RHBDD1: variants seen among roughly 807,000 people sequenced by gnomAD.
The protein encoded by RHBDD1 is rhomboid domain containing 1.
In RHBDD1, 38 loss-of-function variants were observed where a neutral mutation model predicts 36.3. That is an observed-to-expected ratio of 1.05 (90% CI 0.81 to 1.37). The LOEUF (loss-of-function observed/expected upper bound fraction) is 1.37, where lower values mean the gene tolerates loss of function less well. Ranked by LOEUF, RHBDD1 falls within the 40% of genes most tolerant of loss-of-function variation. The probability of loss-of-function intolerance (pLI) is 0.00; values close to 1 mark genes in which losing one functional copy is unlikely to be tolerated. For missense variants in RHBDD1, 393 were observed against 377.6 expected (o/e 1.04, Z -0.34); for synonymous variants, 151 against 136.5 (o/e 1.11, Z -0.74).
At chr2:226,901,817 AGC>A (rs1947621496) in intron 5 of RHBDD1, among the ~76,000 whole-genome samples, 5 of 152,358 alleles carry the variant, frequency 3.3e-5, no homozygotes, top group African/African-American at 9.6e-5. Context: ...AAATGAGTAA[AGC>A]ACTTGACTAG....
chr2:226,826,712 G>C, the RHBDD1 span, among the ~76,000 whole-genome samples: 1 of 151,314 alleles, frequency 6.6e-6, no homozygotes, highest in African/African-American at 2.4e-5. Flanking sequence ...AGTAGAGACG[G>C]GGTTTCACCA....
intron 5 of RHBDD1, among the ~76,000 whole-genome samples, chr2:226,876,339 A>G (rs1381889082): frequency 6.6e-6 from 1 of 152,220 alleles, no homozygotes; most frequent in Non-Finnish European, 1.5e-5. Context: ...GACTGAGAGA[A>G]TCGAAAAGAG....
At chr2:226,901,248 G>A (rs770868312) in intron 5 of RHBDD1, among the ~76,000 whole-genome samples, 6 of 152,146 alleles carry the variant, frequency 3.9e-5, no homozygotes, top group Middle Eastern at 3.4e-3. Context: ...GTGTGTATGC[G>A]TGTGTGTGTA....
intron 8 of RHBDD1, among the ~76,000 whole-genome samples, chr2:226,940,030 A>C (rs576615544): frequency 2.0e-5 from 3 of 152,218 alleles, no homozygotes; most frequent in East Asian, 3.8e-4. Context: ...TTCCCTATTT[A>C]ATAAATGGTG....
chr2:226,859,617 C>T (rs949309014), intron 3 of RHBDD1, among the ~76,000 whole-genome samples: 8 of 152,226 alleles, frequency 5.3e-5, no homozygotes, highest in East Asian at 1.9e-4. Context: ...GTGATCAAAA[C>T]GGAGAAGGTT....
At chr2:226,824,882 T>C in the RHBDD1 span, among the ~76,000 whole-genome samples, 1 of 152,214 alleles carries the variant, frequency 6.6e-6, no homozygotes, top group Non-Finnish European at 1.5e-5. Flanking sequence ...CAGCTGTGTT[T>C]ATGAGGTTAT....
intron 8 of RHBDD1, among the ~76,000 whole-genome samples, chr2:226,977,701 C>A (rs1048433216): frequency 6.6e-6 from 1 of 152,136 alleles, no homozygotes; most frequent in Non-Finnish European, 1.5e-5. Context: ...TAAAGAGCAG[C>A]CCCTATATCA....
chr2:226,865,239 T>C, intron 4 of RHBDD1, 113 bp downstream of exon 4: 1 of 829,504 alleles, frequency 1.2e-6, no homozygotes, highest in South Asian at 1.7e-5. Flanking sequence ...TAAGGGCTGC[T>C]GAGGCTTTGC....
rs1261695327 is a variant in RHBDD1 at position 226,867,232 on chromosome 2, A to G, written c.480A>G (p.Gly160=). The G allele has an allele frequency of 6.2e-7, 1 of 1,613,266 alleles. No individual in the cohort carries two copies. The change falls in exon 5 of 9, where the codon GGA becomes GGG. Residue 160 remains glycine, a synonymous_variant. Coordinates refer to ENST00000392062, the MANE Select transcript of RHBDD1 (RefSeq NM_001167608.3). ...LKVLNNHYCP[G]GFVNILGFPV... is the part of the protein sequence containing the mutation. ...TTCTTAACAACCATTATTGCCCTGG[A>G]GGCTTTGTCAACATTTTGGGCTTTC...
chr2:226,901,339 A>G (rs1947571851), intron 5 of RHBDD1, among the ~76,000 whole-genome samples: 7 of 152,192 alleles, frequency 4.6e-5, no homozygotes. Flanking sequence ...TGATGTAATG[A>G]ATATGGGAGT....
chr2:226,845,275 C>T (rs1942098228), intron 3 of RHBDD1, among the ~76,000 whole-genome samples: 1 of 152,110 alleles, frequency 6.6e-6, no homozygotes. Flanking sequence ...ATCACAAAAA[C>T]ATTTTAAAAC....
At chr2:226,909,701 A>G (rs922853126) in intron 7 of RHBDD1, among the ~76,000 whole-genome samples, 1 of 152,136 alleles carries the variant, frequency 6.6e-6, no homozygotes, top group South Asian at 2.1e-4. Context: ...TGAGGATACA[A>G]GAAGTCAGCA....
chr2:226,875,351 TCTCA>T (rs2125333646), intron 5 of RHBDD1, among the ~76,000 whole-genome samples: 1 of 152,366 alleles, frequency 6.6e-6, no homozygotes, highest in African/African-American at 2.4e-5. Context: ...GAACTTGGTA[TCTCA>T]CTCAAATGTA....
intron 5 of RHBDD1, among the ~76,000 whole-genome samples, chr2:226,905,295 G>T (rs141790478): frequency 6.6e-4 from 101 of 152,260 alleles, no homozygotes; most frequent in African/African-American, 2.3e-3. Flanking sequence ...CAGCAGACTG[G>T]CTTCGTGCCA....
intron 8 of RHBDD1, among the ~76,000 whole-genome samples, chr2:226,950,671 A>G (rs574203373): frequency 6.6e-6 from 1 of 152,178 alleles, no homozygotes; most frequent in African/African-American, 2.4e-5. Flanking sequence ...GATAATAGCC[A>G]TTCTAACAAG....
intron 7 of RHBDD1, among the ~76,000 whole-genome samples, chr2:226,909,509 C>T (rs909017400): frequency 2.0e-5 from 3 of 152,166 alleles, no homozygotes; most frequent in Non-Finnish European, 4.4e-5. Context: ...TGTCTTAATG[C>T]AGTGAACTGA....
At chr2:226,880,231 A>G (rs191880231) in intron 5 of RHBDD1, among the ~76,000 whole-genome samples, 30 of 152,298 alleles carry the variant, frequency 2.0e-4, no homozygotes, top group African/African-American at 6.7e-4. Flanking sequence ...CTGGCTTGCT[A>G]GAGTTCAGTT....
At chr2:226,933,470 G>A (rs1014626402) in intron 8 of RHBDD1, among the ~76,000 whole-genome samples, 14 of 152,156 alleles carry the variant, frequency 9.2e-5, no homozygotes, top group East Asian at 1.9e-4. Flanking sequence ...ATAGCCCTCC[G>A]GGGATTCTGG....
chr2:226,886,760 A>G (rs998419034), intron 5 of RHBDD1, among the ~76,000 whole-genome samples: 2 of 152,236 alleles, frequency 1.3e-5, no homozygotes, highest in African/African-American at 4.8e-5. Context: ...AAGATTTTAG[A>G]CATAAACATT....
Sources: gnomAD v4.1 joint callset for allele counts (sites outside exome capture counted in the v4.1 genomes callset) on GRCh38, gnomAD v4.1.1 for gene constraint, MANE v1.5 for transcripts, NCBI Gene and HGNC (gene_info 2026-07-23, HGNC 2026-07-21) for gene names.